PSMA7: variants seen among roughly 807,000 people sequenced by gnomAD.
The protein encoded by PSMA7 is proteasome 20S subunit alpha 7.
A neutral mutation model predicts 31.3 loss-of-function variants in PSMA7; 5 were observed. The ratio of observed to expected loss-of-function variants is 0.16; its 90% CI spans 0.08 to 0.34. PSMA7 has a LOEUF of 0.34. PSMA7 is among the 10% of genes least tolerant of loss of function. The pLI is 1.00. For missense variants in PSMA7, 217 were observed against 327.5 expected (o/e 0.66, Z 2.60); for synonymous variants, 155 against 121.9 (o/e 1.27, Z -1.79).
intron 4 of PSMA7, 66 bp downstream of exon 4, chr20:62,139,009 G>C: frequency 6.3e-7 from 1 of 1,582,914 alleles, no homozygotes. Flanking sequence ...AGGAAGCCCA[G>C]GACCTCCCAC....
chr20:62,140,908 C>T lies in PSMA7; in HGVS notation c.133G>A (p.Val45Met). 1.2e-6 allele frequency: 2 copies of T among 1,614,238 alleles called. No homozygotes were observed. The highest frequency in any genetic ancestry group is 1.7e-6 in the Non-Finnish European group (2 of 1,180,030). ...AGTTTGGCCACTGACTTCTTCTCCA[C>T]ACCAAGAACAACAATGTCTCTTCCT... is the stretch of plus-strand genomic sequence containing the variant. ...VRGRDIVVLG[V>M]EKKSVAKLQD... The change falls in exon 2 of 7, where the codon GTG (valine) becomes ATG (methionine). Residue 45 changes from valine (V) to methionine (M), a missense_variant. This residue lies in a region of PSMA7 where 76 missense variants were observed against 96.5 expected (regional missense o/e 0.79). Transcript: ENST00000370873.
chr20:62,143,159 C>T, intron 1 of PSMA7, 49 bp downstream of exon 1: 1 of 1,274,998 alleles, frequency 7.8e-7, no homozygotes, highest in South Asian at 1.4e-5. Flanking sequence ...GGCTCCCCAG[C>T]CCCACTTCCG....
chr20:62,137,879 CACAGCTGG>C (rs1260055431), intron 5 of PSMA7, among the ~76,000 whole-genome samples: 16 of 152,320 alleles, frequency 1.1e-4, no homozygotes, highest in South Asian at 1.0e-3. Flanking sequence ...GAACAGATTC[CACAGCTGG>C]ACAGCTGGGT....
intron 2 of PSMA7, 130 bp from the exon 3 acceptor site, chr20:62,140,035 G>A (rs1453859794): frequency 2.4e-6 from 3 of 1,262,448 alleles, no homozygotes; most frequent in African/African-American, 3.0e-5. Flanking sequence ...CTAACTGACT[G>A]GCAGCGGAAC....
intron 4 of PSMA7, 143 bp downstream of exon 4, chr20:62,138,932 C>A: frequency 9.0e-7 from 1 of 1,116,436 alleles, no homozygotes; most frequent in Admixed American, 2.3e-5. Context: ...AATGTTTAAT[C>A]ATTTTCTTGC....
intron 4 of PSMA7, among the ~76,000 whole-genome samples, chr20:62,138,615 T>C (rs1486128692): frequency 6.7e-6 from 1 of 149,436 alleles, no homozygotes; most frequent in African/African-American, 2.5e-5. Context: ...AGTGCAGTGG[T>C]GTGATCTCGG....
chr20:62,136,748 TTTA>T lies in PSMA7; in HGVS notation c.*106_*108del, dbSNP rs1216752997. ...AAAAAACAGGTTAAAAATACGGAAG[TTTA>T]TTGTAGGACACTCAGTGTGAATAAA... On this transcript the variant is annotated 3_prime_UTR_variant, in exon 7 of 7. Transcript: ENST00000370873. The T allele has an allele frequency of 2.1e-6, 3 of 1,427,840 alleles. No individual in the cohort carries two copies. Among genetic ancestry groups the T allele is most frequent in the Non-Finnish European group, 2.8e-6 (3 of 1,079,748 alleles). The allele number at this position is 1,427,840 out of a possible 1,614,324, so 88.4% of individuals were successfully genotyped here.
intron 5 of PSMA7, 140 bp downstream of exon 5, chr20:62,138,031 C>G: frequency 8.7e-7 from 1 of 1,149,770 alleles, no homozygotes; most frequent in Non-Finnish European, 1.3e-6. Flanking sequence ...CACCATAGAC[C>G]AGAGCAGTGC....
chr20:62,138,235 T>C lies in PSMA7; in HGVS notation c.527A>G (p.Tyr176Cys), dbSNP rs981402555. ...ATCTGTTTCAATGGCTTCGTCAGTA[T>C]AGTTCTTCTCCAGGAACTCGCGCAC... ...KSVREFLEKN[Y>C]TDEAIETDDL... is the part of the protein sequence containing the mutation. Residue 176 changes from tyrosine (Y) to cysteine (C), a missense_variant, in exon 5 of 7, where the codon TAT (tyrosine) becomes TGT (cysteine). Coordinates refer to ENST00000370873, the MANE Select transcript of PSMA7 (RefSeq NM_002792.4). 5.0e-6 allele frequency: 8 copies of C among 1,614,038 alleles called. No homozygotes were observed. In the African/African-American group the frequency reaches 8.0e-5, roughly 16 times the overall value.
intron 5 of PSMA7, 116 bp downstream of exon 5, chr20:62,138,055 G>A (rs2056905617): frequency 7.2e-7 from 1 of 1,395,762 alleles, no homozygotes; most frequent in Non-Finnish European, 1.0e-6. Flanking sequence ...GAACACAGCA[G>A]TCATTAAGCA....
chr20:62,139,165 A>G lies in PSMA7; in HGVS notation c.381T>C (p.Phe127=), dbSNP rs374005966. The G allele has an allele frequency of 1.9e-6, 3 of 1,614,114 alleles. No homozygotes were observed. The highest frequency in any genetic ancestry group is 1.3e-5 in the African/African-American group (1 of 74,960). The change falls in exon 4 of 7, where the codon TTT becomes TTC. Residue 127 remains phenylalanine (F), a synonymous_variant. Coordinates refer to ENST00000370873, the MANE Select transcript of PSMA7 (RefSeq NM_002792.4). The part of the protein sequence containing the change: ...RYTQSNGRRP[F]GISALIVGFD... ...AACCCACGATGAGGGCAGAGATGCC[A>G]AACGGCCTGCGCCCATTGCTCTGCG...
intron 5 of PSMA7, among the ~76,000 whole-genome samples, chr20:62,137,643 C>A (rs1395707235): frequency 6.6e-6 from 1 of 152,224 alleles, no homozygotes. Flanking sequence ...AGCACTGGGA[C>A]TCCTCTCTCC....
rs1568724854 is a variant in PSMA7 at position 62,137,275 on chromosome 20, TATG to T, written c.654+86_654+88del. The T allele has an allele frequency of 7.6e-6, 10 of 1,318,682 alleles. No homozygotes were observed. In the East Asian group the frequency reaches 9.2e-5, roughly 12 times the overall value. 81.7% of individuals were successfully genotyped at this position (1,318,682 alleles called of 1,614,324 possible). A position where few individuals can be genotyped will look rare whatever the true frequency, so the allele number is the denominator to read the frequency against. ...TAATGTTAAAACCACAGAATGGCCC[TATG>T]ATGTTTCCTTCGGAACTGGTACTGC... On this transcript the variant is annotated intron_variant, in intron 6 of 6. Coordinates refer to ENST00000370873, the MANE Select transcript of PSMA7 (RefSeq NM_002792.4).
Position 62,136,796 on chromosome 20 carries a change from C to T in PSMA7, c.*61G>A, listed in dbSNP as rs930468502. Reference sequence around the variant, plus strand: ...AATAAATGGAATGGAAAGGCCTACACATCGAGACTCATCCATGATTGATAT... The same window carrying T: ...AATAAATGGAATGGAAAGGCCTACATATCGAGACTCATCCATGATTGATAT... On this transcript the variant is annotated 3_prime_UTR_variant, in exon 7 of 7. Transcript: ENST00000370873. 43 of 1,553,640 alleles carry T rather than the reference C, an allele frequency of 2.8e-5. No homozygotes were observed. In the African/African-American group the frequency reaches 3.9e-4, roughly 14 times the overall value.
chr20:62,137,321 A>G (rs1600965329), intron 6 of PSMA7, 43 bp downstream of exon 6: 14 of 1,590,860 alleles, frequency 8.8e-6, no homozygotes, highest in Non-Finnish European at 1.1e-5. Context: ...TGATCATGGG[A>G]GAAAACTGAC....
At chr20:62,139,000 G>A in intron 4 of PSMA7, 75 bp downstream of exon 4, 3 of 1,557,094 alleles carry the variant, frequency 1.9e-6, no homozygotes, top group Non-Finnish European at 2.6e-6. Context: ...GCCTACAGCA[G>A]GAAGCCCAGG....
chr20:62,137,324 A>G, intron 6 of PSMA7, 40 bp downstream of exon 6: 1 of 1,598,836 alleles, frequency 6.3e-7, no homozygotes, highest in Non-Finnish European at 8.6e-7. Flanking sequence ...TCATGGGAGA[A>G]AACTGACAGG....
intron 1 of PSMA7, among the ~76,000 whole-genome samples, chr20:62,141,220 C>T (rs905745801): frequency 6.6e-6 from 1 of 152,070 alleles, no homozygotes; most frequent in African/African-American, 2.4e-5. Flanking sequence ...TGAGCCATGA[C>T]GGCTGGGAGA....
chr20:62,140,803 C>T lies in PSMA7; in HGVS notation c.223+15G>A. On this transcript the variant is annotated intron_variant, in intron 2 of 6. Coordinates refer to ENST00000370873, the MANE Select transcript of PSMA7 (RefSeq NM_002792.4). Reference sequence around the variant, plus strand: ...GACTCTAGAGAGTAAGACAGCGCTCCCCACCGACTCATACCTGCAAAGGCC... The same window carrying T: ...GACTCTAGAGAGTAAGACAGCGCTCTCCACCGACTCATACCTGCAAAGGCC... 2 of 1,613,854 alleles carry T rather than the reference C, an allele frequency of 1.2e-6. No homozygotes were observed. The highest frequency in any genetic ancestry group is 2.2e-5 in the East Asian group (1 of 44,870).
Sources: gnomAD v4.1 joint callset for allele counts (sites outside exome capture counted in the v4.1 genomes callset) on GRCh38, gnomAD v4.1.1 for gene constraint, gnomAD v4.1.1 regional missense constraint, MANE v1.5 for transcripts, NCBI Gene and HGNC (gene_info 2026-07-23, HGNC 2026-07-21) for gene names.